CDH22: variants seen among roughly 807,000 people sequenced by gnomAD.
CDH22 encodes cadherin-22.
In CDH22, 30 loss-of-function variants were observed where a neutral mutation model predicts 58.4. The observed-to-expected ratio is 0.51, with a 90% CI of 0.38 to 0.70. The LOEUF (loss-of-function observed/expected upper bound fraction) is 0.70, where lower values mean the gene tolerates loss of function less well. Ranked by LOEUF, CDH22 falls within the 30% of genes least tolerant of loss-of-function variation. CDH22 has a pLI of 0.00. For synonymous variants in CDH22, 513 were observed against 558.2 expected, an observed-to-expected ratio of 0.92 and a Z score of 1.14; for missense variants, 1,014 against 1,233.9, an observed-to-expected ratio of 0.82 and a Z score of 2.67.
chr20:46,242,742 A>G (rs3915737), intron 2 of CDH22, among the ~76,000 whole-genome samples: 3,341 of 152,026 alleles, frequency 0.022, 112 homozygotes, highest in African/African-American at 0.076. Flanking sequence ...TTTTAACAAC[A>G]AGTACAACTG....
intron 8 of CDH22, among the ~76,000 whole-genome samples, chr20:46,188,803 A>G (rs1753265062): frequency 6.6e-6 from 1 of 152,064 alleles, no homozygotes; most frequent in African/African-American, 2.4e-5. Context: ...TATCTTGGCT[A>G]CATGTTCATT....
At chr20:46,219,927 G>T (rs1842124767) in intron 4 of CDH22, 1 of 152,370 alleles carries the variant, frequency 6.6e-6, no homozygotes, top group African/African-American at 2.4e-5. Context: ...TACAGGGAAG[G>T]TGGGGTGTGT....
chr20:46,189,044 G>A (rs867826539), intron 8 of CDH22, among the ~76,000 whole-genome samples: 3 of 152,188 alleles, frequency 2.0e-5, no homozygotes, highest in Middle Eastern at 3.4e-3. Flanking sequence ...GTGTGCTGAC[G>A]GCAGCTGCTC....
intron 7 of CDH22, chr20:46,209,908 A>G: frequency 5.4e-6 from 1 of 184,252 alleles, no homozygotes. Flanking sequence ...ACCAAGGGAG[A>G]TGATGAGAGG....
At chr20:46,266,334 C>G (rs1443328951) in intron 1 of CDH22, among the ~76,000 whole-genome samples, 2 of 152,148 alleles carry the variant, frequency 1.3e-5, no homozygotes, top group Non-Finnish European at 2.9e-5. Flanking sequence ...GGACTGGGAC[C>G]TGGGTCATTC....
At chr20:46,217,213 C>T (rs2086092549) in intron 4 of CDH22, among the ~76,000 whole-genome samples, 1 of 152,038 alleles carries the variant, frequency 6.6e-6, no homozygotes, top group African/African-American at 2.4e-5. Context: ...GATACACATG[C>T]CCACACAGAT....
At position 46,275,854 on chromosome 20, in the gene CDH22, A is replaced by G. The variant is rs573833946; in HGVS notation, c.-399-24161T>C. ...CTCTTAGCCCCATCAGTAAGAAATC[A>G]CGAGTGAAAGAAACTTTACAAAAGG... On this transcript the variant is annotated intron_variant, in intron 1 of 11. Transcript: ENST00000537909. Among the ~76,000 whole-genome samples the G allele has an allele frequency of 5.3e-5, 8 of 152,046 alleles. No individual in the cohort carries two copies. The East Asian group carries it at 1.2e-3, about 22-fold the overall frequency.
intron 3 of CDH22, among the ~76,000 whole-genome samples, chr20:46,239,137 T>C (rs1156482276): frequency 6.6e-6 from 1 of 152,212 alleles, no homozygotes; most frequent in Non-Finnish European, 1.5e-5. Context: ...TTGTCTGTCT[T>C]CCTTAGGAAG....
intron 1 of CDH22, among the ~76,000 whole-genome samples, chr20:46,260,905 G>A (rs1011588239): frequency 1.3e-5 from 2 of 152,120 alleles, no homozygotes; most frequent in African/African-American, 4.8e-5. Context: ...CAAGAAGTGG[G>A]GCTGCACAGA....
chr20:46,265,582 T>C (rs1326786416), intron 1 of CDH22, among the ~76,000 whole-genome samples: 4 of 152,314 alleles, frequency 2.6e-5, no homozygotes, highest in South Asian at 2.1e-4. Context: ...CTCCCAACTA[T>C]GCATTTCTGA....
At chr20:46,204,434 A>G (rs1341208643) in intron 7 of CDH22, among the ~76,000 whole-genome samples, 1 of 149,112 alleles carries the variant, frequency 6.7e-6, no homozygotes, top group African/African-American at 2.5e-5. Context: ...AGAGACAGAG[A>G]TAGTAATACC....
At chr20:46,237,780 G>C (rs911747046) in intron 3 of CDH22, among the ~76,000 whole-genome samples, 3 of 152,152 alleles carry the variant, frequency 2.0e-5, no homozygotes, top group Non-Finnish European at 4.4e-5. Flanking sequence ...GCATGACCTT[G>C]GATGAGTCCT....
At chr20:46,195,954 A>G (rs1353372765) in intron 8 of CDH22, among the ~76,000 whole-genome samples, 2 of 152,102 alleles carry the variant, frequency 1.3e-5, no homozygotes, top group Non-Finnish European at 2.9e-5. Flanking sequence ...TTGTCACCTC[A>G]TGTTTATTAT....
intron 1 of CDH22, among the ~76,000 whole-genome samples, chr20:46,299,602 C>T (rs112310922): frequency 1.5e-4 from 22 of 145,796 alleles, no homozygotes; most frequent in Non-Finnish European, 2.4e-4. Context: ...TGCGAGACTC[C>T]GTCTCAAAAA....
rs551208258 is a variant in CDH22, at chr20:46,194,119, G to A, written c.1423+5304C>T. Among the ~76,000 whole-genome samples the A allele has an allele frequency of 5.9e-5, 9 of 152,264 alleles. No individual in the cohort carries two copies. In the South Asian group the frequency reaches 8.3e-4, roughly 14 times the overall value. On this transcript the variant is annotated intron_variant, in intron 8 of 11. Coordinates refer to ENST00000537909, the MANE Select transcript of CDH22 (RefSeq NM_021248.3). ...CTCCCTGCTCCTCAGGAATCGCCGC[G>A]ACCCCATGACTTTCACTGTGTGTTG...
chr20:46,180,927 TG>T (rs2085779934), intron 10 of CDH22, among the ~76,000 whole-genome samples: 2 of 3,428 alleles, frequency 5.8e-4, no homozygotes, highest in Admixed American at 6.9e-3. Context: ...AAGTTTGTTT[TG>T]TGTGTGTGTG....
At chr20:46,267,658 C>G (rs1264798091) in intron 1 of CDH22, among the ~76,000 whole-genome samples, 1 of 152,242 alleles carries the variant, frequency 6.6e-6, no homozygotes, top group African/African-American at 2.4e-5. Flanking sequence ...AGGAGTTGGA[C>G]TATTGGGCTG....
chr20:46,227,512 C>A lies in CDH22; in HGVS notation c.666G>T (p.Lys222Asn). ...TGGCCCCGCCCTGCCCCTCACCGGT[C>A]TTGGGGTCCACGGTGAAGTGGTGCT... ...DGEHHFTVDP[K>N]TGVIRTAVPD... The change falls in exon 4 of 12, where the codon AAG becomes AAT. Residue 222 changes from lysine to asparagine, a missense_variant. By Grantham distance (94) the Lys-to-Asn change is moderately conservative (BLOSUM62 0). Transcript: ENST00000537909. 3 of 1,452,436 alleles carry A rather than the reference C, an allele frequency of 2.1e-6. No homozygotes were observed. Among genetic ancestry groups the A allele is most frequent in the Non-Finnish European group, 2.8e-6 (3 of 1,082,484 alleles). The allele number at this position is 1,452,436 out of a possible 1,614,324, so 90.0% of individuals were successfully genotyped here.
intron 1 of CDH22, among the ~76,000 whole-genome samples, chr20:46,278,402 G>A (rs989741172): frequency 6.6e-6 from 1 of 152,120 alleles, no homozygotes; most frequent in African/African-American, 2.4e-5. Context: ...AGCTCCAGGA[G>A]ACTAGAACTC....
Sources: allele counts gnomAD v4.1 joint callset (sites outside exome capture counted in the v4.1 genomes callset), GRCh38; gene constraint gnomAD v4.1.1; transcripts MANE v1.5; gene names NCBI Gene and HGNC (gene_info 2026-07-23, HGNC 2026-07-21).